Variants in USP34 observed in about 807,000 individuals in gnomAD.
USP34 encodes ubiquitin specific peptidase 34, also known as ubiquitin carboxyl-terminal hydrolase 34.
A neutral mutation model predicts 460.3 loss-of-function variants in USP34; 70 were observed. That is an observed-to-expected ratio of 0.15 (90% CI 0.13 to 0.19). The LOEUF (loss-of-function observed/expected upper bound fraction) is 0.19, where lower values mean the gene tolerates loss of function less well. Ranked by LOEUF, USP34 falls within the 10% of genes least tolerant of loss-of-function variation. The pLI is 1.00. For synonymous variants in USP34, 1,647 were observed against 1,405.3 expected (o/e 1.17, Z -3.85); for missense variants, 3,985 against 4,236.2 (o/e 0.94, Z 1.65).
intron 62 of USP34, among the ~76,000 whole-genome samples, chr2:61,225,670 T>A (rs1687705556): frequency 1.3e-5 from 2 of 152,212 alleles, no homozygotes; most frequent in Non-Finnish European, 1.5e-5. Flanking sequence ...AATTAGCAAA[T>A]ACCAAATTAT....
At chr2:61,238,232 A>G (rs949042189) in intron 53 of USP34, among the ~76,000 whole-genome samples, 4 of 152,026 alleles carry the variant, frequency 2.6e-5, no homozygotes, top group African/African-American at 9.7e-5. Flanking sequence ...GTCCATCCTC[A>G]TCTTGGGCCA....
intron 20 of USP34, among the ~76,000 whole-genome samples, chr2:61,329,493 G>A (rs1691197042): frequency 1.3e-5 from 2 of 152,126 alleles, no homozygotes; most frequent in South Asian, 4.1e-4. Context: ...AACTTTGTAA[G>A]CAAAGCTATG....
At chr2:61,470,540 G>A (rs1212793991) in intron 1 of USP34, 110 bp downstream of exon 1, 116 of 628,266 alleles carry the variant, frequency 1.8e-4, no homozygotes, top group Non-Finnish European at 2.7e-4. Flanking sequence ...CCCGCACGCC[G>A]CCCGGCCCGG....
intron 57 of USP34, 25 bp from the exon 58 acceptor site, chr2:61,232,557 CT>C: frequency 6.5e-7 from 1 of 1,548,414 alleles, no homozygotes; most frequent in Non-Finnish European, 8.8e-7. Context: ...TACAGCATGA[CT>C]TTAACATTCA....
At chr2:61,407,616 G>A (rs754365449) in intron 2 of USP34, among the ~76,000 whole-genome samples, 133 of 152,202 alleles carry the variant, frequency 8.7e-4, no homozygotes, top group Non-Finnish European at 1.5e-3. Flanking sequence ...ATATTCTTCT[G>A]TGTAGACGGA....
At chr2:61,224,052 A>G (rs1316642191) in intron 62 of USP34, among the ~76,000 whole-genome samples, 1 of 152,224 alleles carries the variant, frequency 6.6e-6, no homozygotes, top group Non-Finnish European at 1.5e-5. Context: ...CAACCACGGT[A>G]CCATTATTCA....
intron 32 of USP34, 98 bp from the exon 33 acceptor site, chr2:61,293,648 C>A: frequency 1.3e-6 from 1 of 778,712 alleles, no homozygotes; most frequent in East Asian, 2.7e-5. Flanking sequence ...TATTACGTAT[C>A]TTTTATTTAC....
chr2:61,357,605 T>C (rs569273459), intron 10 of USP34, among the ~76,000 whole-genome samples: 3 of 152,062 alleles, frequency 2.0e-5, no homozygotes, highest in South Asian at 2.1e-4. Flanking sequence ...AATATGAAAA[T>C]AGTACAGAAA....
intron 2 of USP34, chr2:61,416,930 C>T (rs1694214255): frequency 6.0e-6 from 7 of 1,160,774 alleles, no homozygotes; most frequent in Non-Finnish European, 8.8e-6. Context: ...TGAATGGCGA[C>T]ATACTTGACC....
chr2:61,375,750 C>A (rs1692774349), intron 8 of USP34, among the ~76,000 whole-genome samples: 1 of 115,742 alleles, frequency 8.6e-6, no homozygotes. Context: ...GCCTGGGTGA[C>A]AGACCAAGAC....
intron 27 of USP34, among the ~76,000 whole-genome samples, chr2:61,311,273 G>C (rs1004767352): frequency 6.6e-6 from 1 of 152,100 alleles, no homozygotes; most frequent in East Asian, 1.9e-4. Flanking sequence ...CTGTGAGGAG[G>C]CAGCATTCAA....
In USP34 at chr2:61,278,160, C is replaced by T. The variant is rs776095681; in HGVS notation, c.5433+5G>A. ...ATAGAAACATTTGATTATCTTAACA[C>T]TTACCTGTCCTTCCCTTGAAAATTT... On this transcript the variant is annotated splice_donor_5th_base_variant and intron_variant, in intron 41 of 79. Coordinates refer to ENST00000398571, the MANE Select transcript of USP34 (RefSeq NM_014709.4). The T allele has an allele frequency of 6.2e-7, 1 of 1,611,748 alleles. No homozygotes were observed.
intron 5 of USP34, among the ~76,000 whole-genome samples, chr2:61,384,840 C>G (rs1475949149): frequency 6.6e-6 from 1 of 151,830 alleles, no homozygotes; most frequent in Non-Finnish European, 1.5e-5. Flanking sequence ...ACAAGGAAGC[C>G]TCAATTCCAC....
intron 41 of USP34, among the ~76,000 whole-genome samples, chr2:61,273,488 G>A (rs1051992753): frequency 6.6e-6 from 1 of 152,206 alleles, no homozygotes; most frequent in Non-Finnish European, 1.5e-5. Flanking sequence ...GGAGGCCGAG[G>A]CAGGCGAATC....
chr2:61,409,228 A>G (rs1394855222), intron 2 of USP34, among the ~76,000 whole-genome samples: 5 of 151,580 alleles, frequency 3.3e-5, no homozygotes. Context: ...AAAAAACATA[A>G]AAAACTTAGA....
Position 61,214,205 on chromosome 2 carries a change from A to G in USP34, c.8537T>C (p.Phe2846Ser). 6.2e-7 allele frequency: 1 copy of G among 1,614,204 alleles called. No individual in the cohort carries two copies. Among genetic ancestry groups the G allele is most frequent in the Non-Finnish European group, 8.5e-7 (1 of 1,180,042 alleles). ...ADHDDQDVVL[F>S]NRGMLPAYYG... is the part of the protein sequence containing the mutation. ...GTACGCTGGCAGCATCCCACGGTTA[A>G]AAAGCACCACATCCTGATCATCATG... The change falls in exon 68 of 80, where the codon TTT becomes TCT. Residue 2846 changes from phenylalanine (F) to serine (S), a missense_variant. By Grantham distance (155) the Phe-to-Ser change is radical. Transcript: ENST00000398571.
At chr2:61,347,607 C>T (rs1433061281) in intron 15 of USP34, among the ~76,000 whole-genome samples, 1 of 152,154 alleles carries the variant, frequency 6.6e-6, no homozygotes, top group Non-Finnish European at 1.5e-5. Context: ...CTCCTGACCT[C>T]AAGTGATCCA....
At chr2:61,285,146 T>G (rs1276985273) in intron 34 of USP34, among the ~76,000 whole-genome samples, 189 bp from the exon 35 acceptor site, 1 of 151,996 alleles carries the variant, frequency 6.6e-6, no homozygotes, top group Non-Finnish European at 1.5e-5. Flanking sequence ...ACTGTAAAAA[T>G]GCCAAGAATC....
At chr2:61,304,533 C>T (rs1221815800) in intron 27 of USP34, among the ~76,000 whole-genome samples, 3 of 152,172 alleles carry the variant, frequency 2.0e-5, no homozygotes, top group Non-Finnish European at 2.9e-5. Flanking sequence ...GCAGAGTCCT[C>T]CATCAATGGG....
Sources: gnomAD v4.1 joint callset for allele counts (sites outside exome capture counted in the v4.1 genomes callset) on GRCh38, gnomAD v4.1.1 for gene constraint, MANE v1.5 for transcripts, NCBI Gene and HGNC (gene_info 2026-07-23, HGNC 2026-07-21) for gene names.